Variants in CA10 observed in about 807,000 individuals in gnomAD.
CA10 encodes carbonic anhydrase-related protein 10.
A neutral mutation model predicts 44.2 loss-of-function variants in CA10; 14 were observed. The observed-to-expected ratio is 0.32, with a 90% CI of 0.21 to 0.50. CA10 has a LOEUF of 0.50. Ranked by LOEUF, CA10 falls within the 20% of genes least tolerant of loss-of-function variation. The pLI, the probability that CA10 is intolerant of heterozygous loss-of-function variation, is 0.99. For synonymous variants in CA10, 159 were observed against 141.6 expected (o/e 1.12, Z -0.87); for missense variants, 350 against 409.7 (o/e 0.85, Z 1.26).
At chr17:52,000,851 A>G (rs1294418866) in intron 2 of CA10, among the ~76,000 whole-genome samples, 2 of 150,770 alleles carry the variant, frequency 1.3e-5, no homozygotes, top group African/African-American at 4.9e-5. Flanking sequence ...TCTATGTTGT[A>G]TCAAGTTAAA....
chr17:52,054,865 T>C (rs540327204), intron 2 of CA10, among the ~76,000 whole-genome samples: 222 of 152,066 alleles, frequency 1.5e-3, no homozygotes, highest in Non-Finnish European at 2.0e-3. Context: ...GGGTAACAGA[T>C]GGGAGAAGAT....
intron 2 of CA10, among the ~76,000 whole-genome samples, chr17:51,934,754 G>A (rs754437624): frequency 3.9e-5 from 6 of 152,068 alleles, no homozygotes; most frequent in South Asian, 2.1e-4. Context: ...CAGCTGCACC[G>A]GGCAAGGTTT....
chr17:51,835,330 G>A (rs917980724), intron 3 of CA10, among the ~76,000 whole-genome samples: 3 of 152,118 alleles, frequency 2.0e-5, no homozygotes, highest in Non-Finnish European at 4.4e-5. Context: ...TGGAGTATAC[G>A]GTTGAGAAGA....
chr17:51,850,876 A>G (rs141887054), intron 3 of CA10, among the ~76,000 whole-genome samples: 30 of 152,352 alleles, frequency 2.0e-4, no homozygotes, highest in African/African-American at 6.5e-4. Flanking sequence ...TTATTTGTGC[A>G]GAAGAGTGAA....
In CA10 at chr17:51,859,619, A is replaced by T. The variant is rs1018869268; in HGVS notation, c.279+71371T>A. ...CAGGAGAGCTGAGTTCAAGTCCTGGATCTACCTCCTATTGATGATGTGATT... is the reference window on the plus strand; with the variant it reads ...CAGGAGAGCTGAGTTCAAGTCCTGGTTCTACCTCCTATTGATGATGTGATT... On this transcript the variant is annotated intron_variant, in intron 3 of 8. Coordinates refer to ENST00000451037, the MANE Select transcript of CA10 (RefSeq NM_020178.5). 2.0e-5 allele frequency among the ~76,000 whole-genome samples: 3 copies of T among 152,260 alleles called. No individual in the cohort carries two copies. The South Asian group carries it at 6.2e-4, about 32-fold the overall frequency.
At chr17:51,901,015 C>T (rs577107513) in intron 3 of CA10, among the ~76,000 whole-genome samples, 1 of 152,216 alleles carries the variant, frequency 6.6e-6, no homozygotes, top group East Asian at 1.9e-4. Context: ...TCTGTCATTT[C>T]GGCCATTTCA....
chr17:51,678,185 AT>A (rs1467609929), intron 4 of CA10, among the ~76,000 whole-genome samples: 3 of 152,324 alleles, frequency 2.0e-5, no homozygotes, highest in East Asian at 3.9e-4. Context: ...AGGTAAATCC[AT>A]AGAGACAGGT....
At chr17:51,683,950 G>C (rs1222107556) in intron 4 of CA10, among the ~76,000 whole-genome samples, 1 of 152,190 alleles carries the variant, frequency 6.6e-6, no homozygotes, top group African/African-American at 2.4e-5. Context: ...CCTGCGGCAG[G>C]CTGAATAAAT....
intron 3 of CA10, among the ~76,000 whole-genome samples, chr17:51,852,024 T>TA (rs879930504): frequency 1.3e-5 from 2 of 152,052 alleles, no homozygotes; most frequent in African/African-American, 4.8e-5. Flanking sequence ...TGAAAGGGCT[T>TA]AAAAAAAATC....
chr17:51,837,120 A>G (rs990768163), intron 3 of CA10, among the ~76,000 whole-genome samples: 1 of 152,130 alleles, frequency 6.6e-6, no homozygotes, highest in Non-Finnish European at 1.5e-5. Context: ...ACATGCACAC[A>G]CATACACACA....
chr17:51,671,911 A>G (rs1167763249), intron 4 of CA10, among the ~76,000 whole-genome samples: 1 of 152,196 alleles, frequency 6.6e-6, no homozygotes. Flanking sequence ...TGTGCTTTCA[A>G]TGATAGCTTC....
intron 4 of CA10, among the ~76,000 whole-genome samples, chr17:51,701,955 G>T (rs1193107963): frequency 6.6e-6 from 1 of 152,116 alleles, no homozygotes; most frequent in Non-Finnish European, 1.5e-5. Context: ...CTTGTCCTCA[G>T]GTTGGCACCT....
intron 4 of CA10, among the ~76,000 whole-genome samples, chr17:51,671,986 C>T (rs1314744323): frequency 6.6e-6 from 1 of 152,188 alleles, no homozygotes; most frequent in Non-Finnish European, 1.5e-5. Context: ...TAACCCTAGC[C>T]TTGCCACTTC....
At position 51,958,298 on chromosome 17, in the gene CA10, C is replaced by T. The variant is rs114274702; in HGVS notation, c.137-27166G>A. Among the ~76,000 whole-genome samples, 210 of 150,282 alleles carry T rather than the reference C, an allele frequency of 1.4e-3. 1 individual carries two copies. The highest frequency in any genetic ancestry group is 5.0e-3 in the African/African-American group (203 of 40,852). ...TGATAATTGGCATTAATTCCCTTGG[C>T]TCTACCAAGAGATCTTAGGTTCAAT... On this transcript the variant is annotated intron_variant, in intron 2 of 8. Transcript: ENST00000451037.
At chr17:52,090,595 T>A (rs1176688408) in intron 1 of CA10, among the ~76,000 whole-genome samples, 6 of 152,154 alleles carry the variant, frequency 3.9e-5, no homozygotes, top group Non-Finnish European at 8.8e-5. Flanking sequence ...TGGATAGATT[T>A]AAAAGTTAAA....
Position 51,875,829 on chromosome 17 carries a change from C to G in CA10, c.279+55161G>C, listed in dbSNP as rs555557058. Among the ~76,000 whole-genome samples the G allele has an allele frequency of 4.2e-4, 64 of 152,318 alleles. No homozygotes were observed. The Middle Eastern group carries it at 0.014, about 32-fold the overall frequency. On this transcript the variant is annotated intron_variant, in intron 3 of 8. Transcript: ENST00000451037. ...TAACTTAACTCCCCTTCACCACCCTCTGACACTTCTTACTCCTGGAGACCG... is the reference window on the plus strand; with the variant it reads ...TAACTTAACTCCCCTTCACCACCCTGTGACACTTCTTACTCCTGGAGACCG...
At chr17:52,040,191 T>A (rs186845833) in intron 2 of CA10, among the ~76,000 whole-genome samples, 1 of 147,656 alleles carries the variant, frequency 6.8e-6, no homozygotes. Flanking sequence ...TCAAAATCAA[T>A]AACAGAAAAA....
At chr17:52,011,053 C>A (rs1402084331) in intron 2 of CA10, among the ~76,000 whole-genome samples, 1 of 151,768 alleles carries the variant, frequency 6.6e-6, no homozygotes, top group Non-Finnish European at 1.5e-5. Context: ...AATTACCAAC[C>A]TGGGGAAGTT....
intron 2 of CA10, among the ~76,000 whole-genome samples, chr17:51,976,608 T>C (rs1420225133): frequency 6.6e-6 from 1 of 151,944 alleles, no homozygotes; most frequent in Non-Finnish European, 1.5e-5. Flanking sequence ...AAGCAGTTCG[T>C]CTGGGGGAAA....
Sources: gnomAD v4.1 joint callset for allele counts (sites outside exome capture counted in the v4.1 genomes callset) on GRCh38, gnomAD v4.1.1 for gene constraint, MANE v1.5 for transcripts, NCBI Gene and HGNC (gene_info 2026-07-23, HGNC 2026-07-21) for gene names.